The following PTPRD variants were observed in gnomAD, a reference collection of about 807,000 sequenced individuals.
PTPRD encodes the protein receptor-type tyrosine-protein phosphatase delta.
PTPRD carries 34 observed loss-of-function variants against 214.5 expected under a neutral mutation model. That is an observed-to-expected ratio of 0.16 (90% CI 0.12 to 0.21). PTPRD has a LOEUF of 0.21. PTPRD is among the 10% of genes least tolerant of loss of function. The pLI is 1.00. For missense variants in PTPRD, 2,545 were observed against 2,398.7 expected (o/e 1.06, Z -1.27); for synonymous variants, 1,128 against 845.7 (o/e 1.33, Z -5.79).
intron 3 of PTPRD, among the ~76,000 whole-genome samples, chr9:10,133,427 G>T (rs1412853909): frequency 6.6e-6 from 1 of 152,046 alleles, no homozygotes; most frequent in Non-Finnish European, 1.5e-5. Flanking sequence ...TCTAGTTTCA[G>T]AAAGGACAAA....
chr9:8,751,542 A>G (rs1292930280), intron 11 of PTPRD, among the ~76,000 whole-genome samples: 1 of 152,212 alleles, frequency 6.6e-6, no homozygotes, highest in Non-Finnish European at 1.5e-5. Flanking sequence ...AATTCAGGCT[A>G]TTAGAAAACA....
At chr9:10,215,563 C>T (rs2099537350) in intron 3 of PTPRD, among the ~76,000 whole-genome samples, 1 of 152,020 alleles carries the variant, frequency 6.6e-6, no homozygotes, top group Non-Finnish European at 1.5e-5. Context: ...AGAATGAAAA[C>T]TGTCAACTTG....
At chr9:8,643,655 T>C (rs1352794534) in intron 12 of PTPRD, among the ~76,000 whole-genome samples, 1 of 152,140 alleles carries the variant, frequency 6.6e-6, no homozygotes, top group Non-Finnish European at 1.5e-5. Flanking sequence ...CAGAGCAGAG[T>C]TGAGGCCGAG....
intron 2 of PTPRD, among the ~76,000 whole-genome samples, chr9:10,424,492 T>C (rs1056744970): frequency 4.6e-5 from 7 of 151,932 alleles, no homozygotes; most frequent in African/African-American, 1.2e-4. Flanking sequence ...TTGAAAACTA[T>C]AAATTTGTCA....
chr9:9,438,053 G>A (rs558689936), intron 8 of PTPRD, among the ~76,000 whole-genome samples: 2 of 152,080 alleles, frequency 1.3e-5, no homozygotes, highest in African/African-American at 2.4e-5. Context: ...TTCATGTTCC[G>A]ATGGCTTTCC....
intron 5 of PTPRD, among the ~76,000 whole-genome samples, chr9:9,931,231 G>GAATGT (rs2086387418): frequency 6.6e-6 from 1 of 152,140 alleles, no homozygotes; most frequent in Non-Finnish European, 1.5e-5. Flanking sequence ...AGCCAAGATG[G>GAATGT]CCGAATAGGA....
intron 2 of PTPRD, among the ~76,000 whole-genome samples, chr9:10,363,293 G>A (rs2097431896): frequency 6.6e-6 from 1 of 152,162 alleles, no homozygotes; most frequent in Non-Finnish European, 1.5e-5. Context: ...GAGTATCAAA[G>A]TCTTAAAAGT....
rs1449615262 is a variant in PTPRD at position 8,340,964 on chromosome 9, G to A, written c.5126+126C>T. On this transcript the variant is annotated intron_variant, in intron 41 of 45. Coordinates refer to ENST00000381196, the MANE Select transcript of PTPRD (RefSeq NM_002839.4). ...AAATAACAAAAAAACAAATACCAAG[G>A]GACTAAATGATGACCTATGCAGAAA... 4 of 931,350 alleles carry A rather than the reference G, an allele frequency of 4.3e-6. No homozygotes were observed. The South Asian group carries it at 7.0e-5, about 16-fold the overall frequency. The allele number at this position is 931,350 out of a possible 1,614,324, so 57.7% of individuals were successfully genotyped here.
Position 9,927,961 on chromosome 9 carries a change from T to C in PTPRD, c.-368+10546A>G, listed in dbSNP as rs373670828. On this transcript the variant is annotated intron_variant, in intron 5 of 45. Coordinates refer to ENST00000381196, the MANE Select transcript of PTPRD (RefSeq NM_002839.4). ...CATATTGTTTGGAAGCCTAAGTTGTTTGGGTACAACTAACATAAAACTTGT... is the reference window on the plus strand; with the variant it reads ...CATATTGTTTGGAAGCCTAAGTTGTCTGGGTACAACTAACATAAAACTTGT... Among the ~76,000 whole-genome samples the C allele has an allele frequency of 1.3e-3, 192 of 149,474 alleles. 3 individuals are homozygous for C. Among genetic ancestry groups the C allele is most frequent in the Non-Finnish European group, 2.4e-3 (163 of 67,248 alleles).
chr9:8,893,165 T>C (rs909100638), intron 11 of PTPRD, among the ~76,000 whole-genome samples: 3 of 151,996 alleles, frequency 2.0e-5, no homozygotes, highest in African/African-American at 7.3e-5. Context: ...GTTTTGCAAA[T>C]AGGAACGGAC....
chr9:8,934,478 AATAT>A (rs1334901619), intron 11 of PTPRD, among the ~76,000 whole-genome samples: 12 of 8,440 alleles, frequency 1.4e-3, no homozygotes, highest in African/African-American at 4.0e-3. Flanking sequence ...TATATATATA[AATAT>A]ATATATATAT....
intron 3 of PTPRD, among the ~76,000 whole-genome samples, chr9:10,231,829 G>A (rs2099611051): frequency 6.6e-6 from 1 of 151,834 alleles, no homozygotes; most frequent in African/African-American, 2.4e-5. Context: ...TGGGAAGCAG[G>A]GCCCTGTGGA....
chr9:10,140,655 A>G (rs1162066958), intron 3 of PTPRD, among the ~76,000 whole-genome samples: 2 of 152,140 alleles, frequency 1.3e-5, no homozygotes, highest in African/African-American at 2.4e-5. Flanking sequence ...TGACAGCCGA[A>G]TTCTCCCAGA....
chr9:9,488,806 T>C (rs1056740399), intron 8 of PTPRD, among the ~76,000 whole-genome samples: 2 of 152,116 alleles, frequency 1.3e-5, no homozygotes, highest in Non-Finnish European at 2.9e-5. Context: ...CAGACACTCA[T>C]TCTCCACCCC....
At chr9:9,322,913 C>T (rs939700498) in intron 9 of PTPRD, among the ~76,000 whole-genome samples, 1 of 152,148 alleles carries the variant, frequency 6.6e-6, no homozygotes, top group South Asian at 2.1e-4. Flanking sequence ...TTTCTGTATG[C>T]ACATTTACTT....
chr9:9,842,138 A>G (rs1050671839), intron 5 of PTPRD, among the ~76,000 whole-genome samples: 13 of 151,940 alleles, frequency 8.6e-5, no homozygotes, highest in African/African-American at 3.1e-4. Flanking sequence ...ATGAGTGAAA[A>G]CTAAGAAGAA....
chr9:9,292,348 T>A (rs73641294), intron 9 of PTPRD, among the ~76,000 whole-genome samples: 5 of 151,434 alleles, frequency 3.3e-5, no homozygotes, highest in East Asian at 3.9e-4. Context: ...ACTTTCCGCA[T>A]GATGTAGGAA....
chr9:8,948,481 TTATATA>T (rs1390409256), intron 11 of PTPRD, among the ~76,000 whole-genome samples: 1 of 15,244 alleles, frequency 6.6e-5, no homozygotes, highest in Non-Finnish European at 1.5e-4. Context: ...ATATATATAT[TTATATA>T]TATATTTATA....
At chr9:8,705,039 C>A (rs558054332) in intron 12 of PTPRD, among the ~76,000 whole-genome samples, 1 of 152,232 alleles carries the variant, frequency 6.6e-6, no homozygotes, top group Admixed American at 6.5e-5. Flanking sequence ...CCATGTAAAA[C>A]AGGTTATAAC....
Sources: gnomAD v4.1 joint callset for allele counts (sites outside exome capture counted in the v4.1 genomes callset) on GRCh38, gnomAD v4.1.1 for gene constraint, MANE v1.5 for transcripts, NCBI Gene and HGNC (gene_info 2026-07-23, HGNC 2026-07-21) for gene names.